Variants in CHST9 observed in about 807,000 individuals in gnomAD.
The protein encoded by CHST9 is carbohydrate sulfotransferase 9.
Under a neutral mutation model 44.4 loss-of-function variants are expected in CHST9, and 41 were observed. The observed-to-expected ratio is 0.92, with a 90% CI of 0.72 to 1.20. CHST9 has a LOEUF of 1.20. CHST9 is among the 50% of genes most tolerant of loss of function. The probability of loss-of-function intolerance (pLI) is 0.00; values close to 1 mark genes in which losing one functional copy is unlikely to be tolerated. For missense variants in CHST9, 504 were observed against 516.5 expected, an observed-to-expected ratio of 0.98 and a Z score of 0.23; for synonymous variants, 171 against 178.4, an observed-to-expected ratio of 0.96 and a Z score of 0.33.
At chr18:27,132,325 T>C (rs138403918) in intron 2 of CHST9, among the ~76,000 whole-genome samples, 1 of 152,332 alleles carries the variant, frequency 6.6e-6, no homozygotes, top group African/African-American at 2.4e-5. Context: ...AAATACTGTA[T>C]TGCAAAAGGA....
chr18:26,996,137 C>T (rs956556226), intron 4 of CHST9, among the ~76,000 whole-genome samples: 1 of 152,214 alleles, frequency 6.6e-6, no homozygotes, highest in African/African-American at 2.4e-5. Context: ...CCTGTCCATC[C>T]AAGATGATGT....
intron 2 of CHST9, among the ~76,000 whole-genome samples, chr18:27,071,928 G>A (rs1401884150): frequency 6.6e-6 from 1 of 152,118 alleles, no homozygotes; most frequent in African/African-American, 2.4e-5. Context: ...TATATCTAAT[G>A]TGATATATTT....
intron 2 of CHST9, among the ~76,000 whole-genome samples, chr18:27,127,002 C>T (rs955267277): frequency 2.0e-5 from 3 of 152,136 alleles, no homozygotes; most frequent in African/African-American, 7.2e-5. Context: ...TACATGACAA[C>T]AGTCTTAGGT....
intron 2 of CHST9, among the ~76,000 whole-genome samples, chr18:27,084,926 G>A (rs8099541): frequency 0.34 from 51,625 of 151,732 alleles, 9,156 homozygotes; most frequent in East Asian, 0.5. Context: ...ATCAGGAGCA[G>A]GTTGTTTAAT....
chr18:27,149,232 CTTT>C (rs1449433670), intron 1 of CHST9, among the ~76,000 whole-genome samples: 1 of 148,156 alleles, frequency 6.7e-6, no homozygotes, highest in Non-Finnish European at 1.5e-5. Flanking sequence ...ATGGTAGTTT[CTTT>C]TGCTGTGCAG....
intron 4 of CHST9, among the ~76,000 whole-genome samples, chr18:26,982,665 G>A (rs773727976): frequency 4.6e-5 from 7 of 152,102 alleles, no homozygotes; most frequent in Non-Finnish European, 8.8e-5. Context: ...AGGTTTTCCA[G>A]TCTTTTCTTC....
At chr18:26,929,427 G>A (rs938081134) in intron 5 of CHST9, among the ~76,000 whole-genome samples, 5 of 152,152 alleles carry the variant, frequency 3.3e-5, no homozygotes, top group Non-Finnish European at 5.9e-5. Flanking sequence ...CCATATAGTA[G>A]GTTTCTCCAA....
intron 2 of CHST9, among the ~76,000 whole-genome samples, chr18:27,088,827 G>A (rs2143706240): frequency 6.6e-6 from 1 of 152,280 alleles, no homozygotes; most frequent in South Asian, 2.1e-4. Flanking sequence ...GCTATGGAGA[G>A]GAGCTGCCAG....
At chr18:26,947,948 G>A (rs561319564) in intron 4 of CHST9, among the ~76,000 whole-genome samples, 1 of 152,268 alleles carries the variant, frequency 6.6e-6, no homozygotes, top group Non-Finnish European at 1.5e-5. Context: ...ACATGCGAAC[G>A]TATGTTTATT....
chr18:27,134,540 G>A (rs2058497981), intron 2 of CHST9, among the ~76,000 whole-genome samples: 1 of 152,200 alleles, frequency 6.6e-6, no homozygotes, highest in South Asian at 2.1e-4. Context: ...CTAGTAGCAT[G>A]TAGGATTTGA....
intron 3 of CHST9, among the ~76,000 whole-genome samples, chr18:27,030,008 T>C (rs937377582): frequency 3.9e-5 from 6 of 152,350 alleles, no homozygotes; most frequent in African/African-American, 1.2e-4. Context: ...TTAAAATGCC[T>C]GAGAATAGAA....
chr18:27,139,521 T>A lies in CHST9; in HGVS notation c.121+3168A>T, dbSNP rs987776449. 3.7e-3 allele frequency among the ~76,000 whole-genome samples: 558 copies of A among 151,820 alleles called. 2 individuals are homozygous for A. Among genetic ancestry groups the A allele is most frequent in the Non-Finnish European group, 6.6e-3 (451 of 67,908 alleles). ...CACACATATATATATATATAAAAAATAAATGTCTGCCTACCTAGAAAACTG... is the reference window on the plus strand; with the variant it reads ...CACACATATATATATATATAAAAAAAAAATGTCTGCCTACCTAGAAAACTG... On this transcript the variant is annotated intron_variant, in intron 2 of 5. Transcript: ENST00000618847.
chr18:27,157,158 T>C (rs1393621872), intron 1 of CHST9, among the ~76,000 whole-genome samples: 1 of 152,118 alleles, frequency 6.6e-6, no homozygotes, highest in Middle Eastern at 3.2e-3. Context: ...TAGCTATTTC[T>C]GTTAATGATT....
rs1286045257 is a variant in CHST9 at position 26,911,031 on chromosome 18, C to A, written c.*5228G>T. 1 of 152,192 alleles carries A rather than the reference C, an allele frequency of 6.6e-6. No homozygotes were observed. Among genetic ancestry groups the A allele is most frequent in the Non-Finnish European group, 1.5e-5 (1 of 68,026 alleles). The allele number at this position is 152,192 out of a possible 1,614,324, so 9.4% of individuals were successfully genotyped here. On this transcript the variant is annotated 3_prime_UTR_variant, in exon 6 of 6. Coordinates refer to ENST00000618847, the MANE Select transcript of CHST9 (RefSeq NM_031422.6). ...CTGTGTCTGCAACTATCCTTCAGGT[C>A]AAGGGATGACTATTAGTGTAGAAAA...
intron 5 of CHST9, among the ~76,000 whole-genome samples, chr18:26,932,769 T>C (rs1474921429): frequency 6.6e-6 from 1 of 152,232 alleles, no homozygotes; most frequent in Non-Finnish European, 1.5e-5. Flanking sequence ...ATCAGTAGCA[T>C]TGTCTTCTCT....
chr18:27,118,346 C>T (rs2058346653), intron 2 of CHST9, among the ~76,000 whole-genome samples: 1 of 152,182 alleles, frequency 6.6e-6, no homozygotes, highest in Non-Finnish European at 1.5e-5. Context: ...GGCTGGTCTT[C>T]TCAATCTCAT....
intron 4 of CHST9, among the ~76,000 whole-genome samples, chr18:26,980,735 T>C (rs573669888): frequency 1.3e-5 from 2 of 152,280 alleles, no homozygotes; most frequent in South Asian, 4.1e-4. Context: ...AGTCCACACT[T>C]TTCTTGGGGA....
intron 4 of CHST9, among the ~76,000 whole-genome samples, chr18:26,962,203 G>A (rs2056408834): frequency 6.6e-6 from 1 of 151,840 alleles, no homozygotes; most frequent in African/African-American, 2.4e-5. Context: ...AGCCTGGGGT[G>A]TTAATGACTC....
chr18:27,008,763 C>A (rs2057047588), intron 4 of CHST9, among the ~76,000 whole-genome samples: 1 of 152,128 alleles, frequency 6.6e-6, no homozygotes, highest in South Asian at 2.1e-4. Context: ...TCCTTTAGCA[C>A]CTGCCACAGT....
Sources: gnomAD v4.1 joint callset for allele counts (sites outside exome capture counted in the v4.1 genomes callset) on GRCh38, gnomAD v4.1.1 for gene constraint, MANE v1.5 for transcripts, NCBI Gene and HGNC (gene_info 2026-07-23, HGNC 2026-07-21) for gene names.